The following UBE2E2 variants were observed in gnomAD, a reference collection of about 807,000 sequenced individuals.
UBE2E2 encodes ubiquitin conjugating enzyme E2 E2, also known as ubiquitin-conjugating enzyme E2 E2.
A neutral mutation model predicts 24.7 loss-of-function variants in UBE2E2; 6 were observed. The ratio of observed to expected loss-of-function variants is 0.24; its 90% CI spans 0.13 to 0.48. The LOEUF is 0.48. Ranked by LOEUF, UBE2E2 falls within the 20% of genes least tolerant of loss-of-function variation. UBE2E2 has a pLI of 0.99. For synonymous variants in UBE2E2, 104 were observed against 83.6 expected, an observed-to-expected ratio of 1.24 and a Z score of -1.33; for missense variants, 169 against 245.0, an observed-to-expected ratio of 0.69 and a Z score of 2.07.
At chr3:23,313,844 TC>T (rs1429343257) in intron 3 of UBE2E2, among the ~76,000 whole-genome samples, 1 of 152,194 alleles carries the variant, frequency 6.6e-6, no homozygotes, top group Non-Finnish European at 1.5e-5. Context: ...TTTCCTGCCT[TC>T]CTGCCTTCCT....
chr3:23,433,283 A>G (rs572033896), intron 3 of UBE2E2, among the ~76,000 whole-genome samples: 51 of 152,076 alleles, frequency 3.4e-4, no homozygotes, highest in Middle Eastern at 3.4e-3. Context: ...ATAACTTCAT[A>G]ATAATAAAAA....
chr3:23,364,154 A>C (rs1391247557), intron 3 of UBE2E2, among the ~76,000 whole-genome samples: 1 of 152,098 alleles, frequency 6.6e-6, no homozygotes, highest in Admixed American at 6.6e-5. Flanking sequence ...ACACCCAGAG[A>C]AACGGACTAA....
intron 5 of UBE2E2, among the ~76,000 whole-genome samples, chr3:23,547,698 A>G (rs1164500845): frequency 6.6e-6 from 1 of 152,214 alleles, no homozygotes; most frequent in Non-Finnish European, 1.5e-5. Flanking sequence ...TTGATTGCTC[A>G]CCCTAACTCA....
At chr3:23,496,333 G>C (rs1699601317) in intron 3 of UBE2E2, among the ~76,000 whole-genome samples, 1 of 152,088 alleles carries the variant, frequency 6.6e-6, no homozygotes, top group South Asian at 2.1e-4. Flanking sequence ...GAAAGCACCT[G>C]AATCCACTGC....
At chr3:23,314,869 T>C (rs1054241991) in intron 3 of UBE2E2, among the ~76,000 whole-genome samples, 1 of 152,204 alleles carries the variant, frequency 6.6e-6, no homozygotes, top group African/African-American at 2.4e-5. Flanking sequence ...CTCACTCTTT[T>C]TAGTATCCTT....
intron 3 of UBE2E2, among the ~76,000 whole-genome samples, chr3:23,253,784 G>A (rs748688696): frequency 5.3e-5 from 8 of 152,128 alleles, no homozygotes; most frequent in Non-Finnish European, 8.8e-5. Context: ...GTATATAGTA[G>A]TATGAAAAGA....
chr3:23,251,193 T>C lies in UBE2E2; in HGVS notation c.227+33881T>C, dbSNP rs148836706. ...GTGTGTATCAGCTTCAGGGAGCTGA[T>C]GAACCCTTCTGAAATGATCAGTAAA... On this transcript the variant is annotated intron_variant, in intron 3 of 5. Transcript: ENST00000396703. 9.2e-5 allele frequency among the ~76,000 whole-genome samples: 14 copies of C among 152,300 alleles called. No homozygotes were observed. In the East Asian group the frequency reaches 2.5e-3, roughly 27 times the overall value.
At chr3:23,254,458 A>G (rs1282216957) in intron 3 of UBE2E2, among the ~76,000 whole-genome samples, 1 of 152,202 alleles carries the variant, frequency 6.6e-6, no homozygotes, top group Non-Finnish European at 1.5e-5. Flanking sequence ...AAGCTGGTCC[A>G]GGCTAGTTTG....
chr3:23,568,618 CACATAT>C (rs1350318198), intron 5 of UBE2E2, among the ~76,000 whole-genome samples: 5 of 1,378 alleles, frequency 3.6e-3, no homozygotes, highest in Admixed American at 0.018. Flanking sequence ...TATATACACA[CACATAT>C]ATATATGTAT....
intron 3 of UBE2E2, among the ~76,000 whole-genome samples, chr3:23,271,658 T>C (rs1452469179): frequency 6.6e-6 from 1 of 151,694 alleles, no homozygotes; most frequent in African/African-American, 2.4e-5. Flanking sequence ...CTGATTGGTG[T>C]ATTTACAATC....
At chr3:23,451,353 C>T (rs548946768) in intron 3 of UBE2E2, among the ~76,000 whole-genome samples, 1 of 152,072 alleles carries the variant, frequency 6.6e-6, no homozygotes, top group East Asian at 1.9e-4. Context: ...TAGTACTTAC[C>T]TAAGTCTCAT....
At chr3:23,405,210 T>C (rs976197502) in intron 3 of UBE2E2, among the ~76,000 whole-genome samples, 1 of 152,214 alleles carries the variant, frequency 6.6e-6, no homozygotes, top group Non-Finnish European at 1.5e-5. Context: ...ATTCCAAATA[T>C]GTCTCTTAGC....
chr3:23,270,667 A>G (rs9846398), intron 3 of UBE2E2, among the ~76,000 whole-genome samples: 59,554 of 152,096 alleles, frequency 0.39, 12,165 homozygotes, highest in Admixed American at 0.53. Context: ...TAACTTGCCA[A>G]AAAAGAAGGA....
chr3:23,576,160 T>C (rs1449332144), intron 5 of UBE2E2, among the ~76,000 whole-genome samples: 3 of 152,224 alleles, frequency 2.0e-5, no homozygotes, highest in Admixed American at 6.5e-5. Flanking sequence ...ACATCTGTTA[T>C]GTTTTAATTT....
chr3:23,524,863 CAG>C (rs372362951), intron 4 of UBE2E2, among the ~76,000 whole-genome samples: 2 of 140,562 alleles, frequency 1.4e-5, no homozygotes, highest in Non-Finnish European at 3.1e-5. Flanking sequence ...CACAGACACA[CAG>C]ACACACACAC....
chr3:23,496,506 T>C (rs1324444815), intron 3 of UBE2E2, among the ~76,000 whole-genome samples: 1 of 152,222 alleles, frequency 6.6e-6, no homozygotes, highest in East Asian at 1.9e-4. Flanking sequence ...TGTCCCTGTT[T>C]GCTTGTTTTT....
Position 23,218,448 on chromosome 3 carries a change from G to A in UBE2E2, c.227+1136G>A, listed in dbSNP as rs115806892. On this transcript the variant is annotated intron_variant, in intron 3 of 5. Coordinates refer to ENST00000396703, the MANE Select transcript of UBE2E2 (RefSeq NM_152653.4). ...GATGGCAGATCATTGTTTAGCTTTT[G>A]GTGGTCAATGATTATAAGTGGATGG... Among the ~76,000 whole-genome samples, 839 of 152,060 alleles carry A rather than the reference G, an allele frequency of 5.5e-3. 2 individuals carry two copies. Among genetic ancestry groups the A allele is most frequent in the South Asian group, 9.8e-3 (47 of 4,818 alleles).
At chr3:23,582,359 A>G (rs965986589) in intron 5 of UBE2E2, among the ~76,000 whole-genome samples, 3 of 152,142 alleles carry the variant, frequency 2.0e-5, no homozygotes, top group African/African-American at 7.2e-5. Flanking sequence ...GAATAGGGCC[A>G]TGGTGAACAT....
Position 23,310,299 on chromosome 3 carries a change from C to CTTT in UBE2E2, c.227+92987_227+92988insTTT, listed in dbSNP as rs1575551745. On this transcript the variant is annotated intron_variant, in intron 3 of 5. Transcript: ENST00000396703. ...AAAAGCATTATGTGCAAAAGGCATG[C>CTTT]CTTTTTTTTTTTTTTACAAAAATTC... 1.5e-4 allele frequency among the ~76,000 whole-genome samples: 6 copies of CTTT among 39,224 alleles called. No homozygotes were observed. In the East Asian group the frequency reaches 3.1e-3, roughly 20 times the overall value. The allele number at this position is 39,224 out of a possible 152,430, so 25.7% of individuals were successfully genotyped here. A position where few individuals can be genotyped will look rare whatever the true frequency, so the allele number is the denominator to read the frequency against.
Sources: allele counts gnomAD v4.1 joint callset (sites outside exome capture counted in the v4.1 genomes callset), GRCh38; gene constraint gnomAD v4.1.1; transcripts MANE v1.5; gene names NCBI Gene and HGNC (gene_info 2026-07-23, HGNC 2026-07-21).